The following NPFFR2 variants were observed in gnomAD, a reference collection of about 807,000 sequenced individuals.
The protein encoded by NPFFR2 is neuropeptide FF receptor 2.
Under a neutral mutation model 13.1 loss-of-function variants are expected in NPFFR2, and 15 were observed. The observed-to-expected ratio is 1.15, with a 90% CI of 0.77 to 1.76. The LOEUF (loss-of-function observed/expected upper bound fraction) is 1.76, where lower values mean the gene tolerates loss of function less well. Among genes scored for constraint, NPFFR2 ranks in the 40% most tolerant of loss-of-function variants. The probability of loss-of-function intolerance (pLI) is 0.00; values close to 1 mark genes in which losing one functional copy is unlikely to be tolerated. For synonymous variants in NPFFR2, 190 were observed against 175.7 expected (o/e 1.08, Z -0.65); for missense variants, 572 against 503.5 (o/e 1.14, Z -1.30).
chr4:72,051,129 G>C (rs1419401703), intron 1 of NPFFR2, among the ~76,000 whole-genome samples: 1 of 151,858 alleles, frequency 6.6e-6, no homozygotes, highest in South Asian at 2.1e-4. Flanking sequence ...TATATACCCA[G>C]TAATGGGATG....
At chr4:72,145,149 T>C (rs993280) in intron 3 of NPFFR2, among the ~76,000 whole-genome samples, 22,555 of 151,468 alleles carry the variant, frequency 0.15, 3,717 homozygotes, top group East Asian at 0.48. Flanking sequence ...CTCTATCTTA[T>C]TCATCTTTGC....
rs545454978 is a variant in NPFFR2 at position 72,093,513 on chromosome 4, CTTTG to C, written c.-7-35068_-7-35065del. ...AATGTAATCATAAACTTCTTGGAGG[CTTTG>C]TTTATTTTTTTAAATTCTTTTTTCT... On this transcript the variant is annotated intron_variant, in intron 1 of 3. Coordinates refer to ENST00000308744, the MANE Select transcript of NPFFR2 (RefSeq NM_004885.3). 2.0e-5 allele frequency among the ~76,000 whole-genome samples: 3 copies of C among 152,140 alleles called. No homozygotes were observed. The East Asian group carries it at 5.8e-4, about 29-fold the overall frequency.
intron 1 of NPFFR2, among the ~76,000 whole-genome samples, chr4:72,045,581 C>A (rs13435787): frequency 0.27 from 41,284 of 152,050 alleles, 5,909 homozygotes; most frequent in Middle Eastern, 0.37. Context: ...TTCCCAAATG[C>A]ATTTAGTACA....
chr4:72,128,038 C>T (rs1212307164), intron 1 of NPFFR2, among the ~76,000 whole-genome samples: 1 of 152,048 alleles, frequency 6.6e-6, no homozygotes, highest in Non-Finnish European at 1.5e-5. Flanking sequence ...GAGATGGTGC[C>T]ACTGCACTCC....
chr4:72,075,028 C>T (rs567772425), intron 1 of NPFFR2, among the ~76,000 whole-genome samples: 5 of 152,138 alleles, frequency 3.3e-5, no homozygotes, highest in Admixed American at 1.3e-4. Flanking sequence ...ATTGGATTGA[C>T]GAATACGAAG....
At chr4:72,109,231 G>A (rs1721497426) in intron 1 of NPFFR2, among the ~76,000 whole-genome samples, 1 of 151,958 alleles carries the variant, frequency 6.6e-6, no homozygotes, top group African/African-American at 2.4e-5. Context: ...GTCCAACAGT[G>A]TTATTCTTGA....
intron 1 of NPFFR2, among the ~76,000 whole-genome samples, chr4:72,078,973 G>A (rs1720521472): frequency 6.6e-6 from 1 of 151,470 alleles, no homozygotes; most frequent in Non-Finnish European, 1.5e-5. Flanking sequence ...GGTAGCACAA[G>A]GAATACTTAT....
At chr4:72,140,596 A>T (rs2203304) in intron 3 of NPFFR2, among the ~76,000 whole-genome samples, 10 of 152,290 alleles carry the variant, frequency 6.6e-5, no homozygotes, top group African/African-American at 2.2e-4. Flanking sequence ...GCCTTGCATC[A>T]CAGGGATGAA....
chr4:72,063,494 T>G (rs1719980936), intron 1 of NPFFR2, among the ~76,000 whole-genome samples: 1 of 152,212 alleles, frequency 6.6e-6, no homozygotes, highest in Non-Finnish European at 1.5e-5. Context: ...GCTTTATAAG[T>G]ATTTTAAGGC....
intron 1 of NPFFR2, among the ~76,000 whole-genome samples, chr4:72,085,623 A>T (rs1720745552): frequency 6.6e-6 from 1 of 152,132 alleles, no homozygotes; most frequent in Non-Finnish European, 1.5e-5. Context: ...TTTTATTGAC[A>T]TCATTACTGA....
chr4:72,048,290 A>G (rs976585099), intron 1 of NPFFR2, among the ~76,000 whole-genome samples: 1 of 152,234 alleles, frequency 6.6e-6, no homozygotes. Flanking sequence ...ACCCAAGAGA[A>G]GATTTCAGGA....
At chr4:72,069,994 G>A (rs1720198498) in intron 1 of NPFFR2, among the ~76,000 whole-genome samples, 1 of 151,994 alleles carries the variant, frequency 6.6e-6, no homozygotes, top group South Asian at 2.1e-4. Context: ...ACAAGCATAT[G>A]ACTAAAACTA....
intron 1 of NPFFR2, among the ~76,000 whole-genome samples, chr4:72,092,873 C>T (rs146949869): frequency 5.3e-5 from 8 of 152,240 alleles, no homozygotes; most frequent in Non-Finnish European, 2.9e-5. Context: ...CTAGTCAATT[C>T]ATTGTGCCAT....
intron 1 of NPFFR2, among the ~76,000 whole-genome samples, chr4:72,049,159 T>C (rs574876824): frequency 6.6e-6 from 1 of 150,840 alleles, no homozygotes; most frequent in African/African-American, 2.4e-5. Context: ...ACTTTAAAAA[T>C]AGAACTGTTT....
intron 1 of NPFFR2, among the ~76,000 whole-genome samples, chr4:72,114,642 T>A (rs1301295142): frequency 6.6e-6 from 1 of 152,162 alleles, no homozygotes; most frequent in African/African-American, 2.4e-5. Context: ...TAGTAAAATG[T>A]AAAAGCTTTT....
chr4:72,074,635 G>GA (rs1720372517), intron 1 of NPFFR2, among the ~76,000 whole-genome samples: 1 of 151,604 alleles, frequency 6.6e-6, no homozygotes, highest in African/African-American at 2.4e-5. Flanking sequence ...CTACTATATA[G>GA]AAAAAAAATC....
At chr4:72,131,981 TA>T (rs1320170632) in intron 2 of NPFFR2, among the ~76,000 whole-genome samples, 4 of 152,162 alleles carry the variant, frequency 2.6e-5, no homozygotes, top group Non-Finnish European at 4.4e-5. Flanking sequence ...TAATTATTGT[TA>T]TCACTCCCAG....
At chr4:72,138,577 T>A (rs974814835) in intron 3 of NPFFR2, among the ~76,000 whole-genome samples, 1 of 152,118 alleles carries the variant, frequency 6.6e-6, no homozygotes, top group Admixed American at 6.6e-5. Context: ...CATGTCCCTG[T>A]AAAGGACATG....
chr4:72,144,682 C>G (rs1481565558), intron 3 of NPFFR2, among the ~76,000 whole-genome samples: 1 of 152,152 alleles, frequency 6.6e-6, no homozygotes, highest in Non-Finnish European at 1.5e-5. Context: ...TTATTCCAAG[C>G]CCCACACCAT....
Sources: gnomAD v4.1 joint callset for allele counts (sites outside exome capture counted in the v4.1 genomes callset) on GRCh38, gnomAD v4.1.1 for gene constraint, MANE v1.5 for transcripts, NCBI Gene and HGNC (gene_info 2026-07-23, HGNC 2026-07-21) for gene names.